The following ZCCHC8 variants were observed in gnomAD, a reference collection of about 807,000 sequenced individuals.
The protein encoded by ZCCHC8 is zinc finger CCHC-type containing 8.
ZCCHC8 carries 27 observed loss-of-function variants against 70.6 expected under a neutral mutation model. That is an observed-to-expected ratio of 0.38 (90% CI 0.28 to 0.53). The LOEUF (loss-of-function observed/expected upper bound fraction) is 0.53, where lower values mean the gene tolerates loss of function less well. Ranked by LOEUF, ZCCHC8 falls within the 20% of genes least tolerant of loss-of-function variation. The probability of loss-of-function intolerance (pLI) is 0.81; values close to 1 mark genes in which losing one functional copy is unlikely to be tolerated. For synonymous variants in ZCCHC8, 293 were observed against 317.4 expected, an observed-to-expected ratio of 0.92 and a Z score of 0.82; for missense variants, 737 against 876.9, an observed-to-expected ratio of 0.84 and a Z score of 2.01.
At chr12:122,484,953 C>T (rs942637343) in intron 5 of ZCCHC8, among the ~76,000 whole-genome samples, 3 of 152,178 alleles carry the variant, frequency 2.0e-5, no homozygotes, top group Admixed American at 6.5e-5. Flanking sequence ...GACTGAGCCT[C>T]GCTCTTCTGT....
In ZCCHC8 at chr12:122,481,984, ACTT is replaced by A. The variant is rs552902860; in HGVS notation, c.833_835del (p.Glu278del). On this transcript the variant is annotated inframe_deletion, in exon 9 of 14. Coordinates refer to ENST00000633063, the MANE Select transcript of ZCCHC8 (RefSeq NM_017612.5). ...CTTGAATCTTCCAAATCTTTCTTCT[ACTT>A]CTTCTGCGTGGTATCGCTGCTGGAA... The A allele has an allele frequency of 8.2e-4, 1,325 of 1,613,398 alleles. 3 individuals are homozygous for A. Among genetic ancestry groups the A allele is most frequent in the Admixed American group, 2.7e-3 (162 of 59,956 alleles).
At position 122,477,836 on chromosome 12, in the gene ZCCHC8, C is replaced by T. The variant is rs116783031; in HGVS notation, c.1345+5G>A. 1.7e-3 allele frequency: 2,739 copies of T among 1,582,452 alleles called. 43 individuals carry two copies. The African/African-American group carries it at 0.033, about 19-fold the overall frequency. ...GAGAAATCAGAGCCATAGGATGAAA[C>T]CTACCTGAATCGAGCTCCATGTCGG... is the stretch of plus-strand genomic sequence containing the variant. On this transcript the variant is annotated splice_donor_5th_base_variant and intron_variant, in intron 13 of 13. Coordinates refer to ENST00000633063, the MANE Select transcript of ZCCHC8 (RefSeq NM_017612.5).
chr12:122,499,269 CTTTTTT>C lies in ZCCHC8; in HGVS notation c.200-406_200-401del, dbSNP rs570830096. On this transcript the variant is annotated intron_variant, in intron 1 of 13. Transcript: ENST00000633063. The stretch of plus-strand genomic sequence containing the variant: ...GATGTCCACTGTAGAATCCTTTCAA[CTTTTTT>C]TTTTTTTTTTTGAGACACAGTCTCA... The C allele has an allele frequency of 9.4e-5, 15 of 159,602 alleles. No individual in the cohort carries two copies. The East Asian group carries it at 2.8e-3, about 30-fold the overall frequency. 9.9% of individuals were successfully genotyped at this position (159,602 alleles called of 1,614,324 possible). A position where few individuals can be genotyped will look rare whatever the true frequency, so the allele number is the denominator to read the frequency against.
At chr12:122,477,773 AGAGT>A in intron 13 of ZCCHC8, 64 bp downstream of exon 13, 1 of 1,183,782 alleles carries the variant, frequency 8.4e-7, no homozygotes, top group Admixed American at 1.9e-5. Context: ...CTGGGTGACA[AGAGT>A]GAGACTCCAT....
intron 13 of ZCCHC8, among the ~76,000 whole-genome samples, chr12:122,477,160 C>CT (rs569339886): frequency 1.3e-3 from 185 of 143,274 alleles, no homozygotes; most frequent in South Asian, 4.2e-3. Context: ...AATTCATGAT[C>CT]TTTTTTTTTT....
chr12:122,479,413 A>C (rs994817998), intron 11 of ZCCHC8, among the ~76,000 whole-genome samples: 1 of 152,190 alleles, frequency 6.6e-6, no homozygotes, highest in African/African-American at 2.4e-5. Context: ...ACAATAGTTC[A>C]TTGTTGAATC....
intron 9 of ZCCHC8, 29 bp from the exon 10 acceptor site, chr12:122,481,693 T>C: frequency 6.2e-7 from 1 of 1,603,624 alleles, no homozygotes; most frequent in Admixed American, 1.7e-5. Flanking sequence ...GGAAGAAAAA[T>C]ACTGAATTCT....
intron 2 of ZCCHC8, among the ~76,000 whole-genome samples, chr12:122,498,127 A>C (rs1190775540): frequency 6.6e-6 from 1 of 151,974 alleles, no homozygotes; most frequent in East Asian, 1.9e-4. Flanking sequence ...TAACTATGTA[A>C]ATAAATCTTC....
intron 4 of ZCCHC8, 119 bp downstream of exon 4, chr12:122,490,343 G>C: frequency 2.6e-6 from 2 of 783,654 alleles, no homozygotes; most frequent in Non-Finnish European, 4.2e-6. Flanking sequence ...GCCAGTAGAA[G>C]GAGAAGTGGT....
intron 1 of ZCCHC8, chr12:122,499,686 T>C (rs770989979): frequency 3.3e-5 from 5 of 152,096 alleles, no homozygotes; most frequent in Non-Finnish European, 7.3e-5. Flanking sequence ...CCTTAAAAAC[T>C]GATATACTGA....
rs7314638 is a variant in ZCCHC8 at position 122,498,913 on chromosome 12, A to G, written c.200-44T>C. On this transcript the variant is annotated intron_variant, in intron 1 of 13. Transcript: ENST00000633063. ...AGATAAGCCCTCATTTAACAATGCA[A>G]ATCATAAAATTCAACTACTACTTCT... The G allele has an allele frequency of 0.76, 1,178,940 of 1,549,666 alleles. 450,560 individuals are homozygous for G. The highest frequency in any genetic ancestry group is 0.88 in the African/African-American group (65,121 of 73,662).
chr12:122,500,914 C>A lies in ZCCHC8; in HGVS notation c.-74G>T. 2.0e-6 allele frequency: 3 copies of A among 1,485,046 alleles called. No homozygotes were observed. The highest frequency in any genetic ancestry group is 2.7e-6 in the Non-Finnish European group (3 of 1,095,770). 92.0% of individuals were successfully genotyped at this position (1,485,046 alleles called of 1,614,324 possible). A position where few individuals can be genotyped will look rare whatever the true frequency, so the allele number is the denominator to read the frequency against. ...CTTGGGGAAGAAGGTTGGAAGGCGG[C>A]ACCACTCTCTAGAGCTCTGGCCGCA... On this transcript the variant is annotated 5_prime_UTR_variant, in exon 1 of 14. Transcript: ENST00000633063. This position sits in a 1 kb window ranked among gnomAD's most constrained non-coding sequence, Gnocchi z 4.8.
Position 122,483,034 on chromosome 12 carries a change from T to C in ZCCHC8, c.671+245A>G. The C allele has an allele frequency of 3.7e-6, 2 of 535,244 alleles. No individual in the cohort carries two copies. The highest frequency in any genetic ancestry group is 6.5e-6 in the Non-Finnish European group (2 of 305,344). 33.2% of individuals were successfully genotyped at this position (535,244 alleles called of 1,614,324 possible). On this transcript the variant is annotated intron_variant, in intron 7 of 13. Coordinates refer to ENST00000633063, the MANE Select transcript of ZCCHC8 (RefSeq NM_017612.5). The surrounding 1 kb of genome is among the most constrained non-coding windows in gnomAD (Gnocchi z 4.4). ...AAGGCAGATGGTTATAAGACTGCAA[T>C]CAAATTGACAGCAACAATTATACCT... is the stretch of plus-strand genomic sequence containing the variant.
At chr12:122,479,537 T>A (rs987707915) in intron 11 of ZCCHC8, among the ~76,000 whole-genome samples, 2 of 152,002 alleles carry the variant, frequency 1.3e-5, no homozygotes, top group Admixed American at 1.3e-4. Flanking sequence ...GGAAAAAGAG[T>A]GATAATATAT....
Position 122,500,606 on chromosome 12 carries a change from A to ACC in ZCCHC8, c.199+34_199+35dup. The ACC allele has an allele frequency of 6.6e-7, 1 of 1,506,360 alleles. No individual in the cohort carries two copies. Among genetic ancestry groups the ACC allele is most frequent in the Non-Finnish European group, 8.9e-7 (1 of 1,118,288 alleles). 93.3% of individuals were successfully genotyped at this position (1,506,360 alleles called of 1,614,324 possible). A position where few individuals can be genotyped will look rare whatever the true frequency, so the allele number is the denominator to read the frequency against. On this transcript the variant is annotated intron_variant, in intron 1 of 13. Transcript: ENST00000633063. This position sits in a 1 kb window ranked among gnomAD's most constrained non-coding sequence, Gnocchi z 4.8. ...ACGCCTGGCGCTGCCCCGGCCCCAC[A>ACC]CCCGGGTGACAGGGCCCAGCGAGAG... is the stretch of plus-strand genomic sequence containing the variant.
chr12:122,478,918 T>G (rs534540105), intron 11 of ZCCHC8, among the ~76,000 whole-genome samples: 91 of 152,282 alleles, frequency 6.0e-4, no homozygotes, highest in Admixed American at 2.0e-4. Context: ...TGGACTGGCT[T>G]CCAGAAGCAC....
At position 122,474,284 on chromosome 12, in the gene ZCCHC8, A is replaced by G. The variant is rs1957374308; in HGVS notation, c.1346-9T>C. The G allele has an allele frequency of 7.2e-7, 1 of 1,383,572 alleles. No homozygotes were observed. The highest frequency in any genetic ancestry group is 9.4e-7 in the Non-Finnish European group (1 of 1,062,820). The allele number at this position is 1,383,572 out of a possible 1,614,324, so 85.7% of individuals were successfully genotyped here. On this transcript the variant is annotated splice_polypyrimidine_tract_variant and intron_variant, in intron 13 of 13. Transcript: ENST00000633063. ...ATGTGGTACCTCCATATCTGAAGTA[A>G]GAAAGTTAAGAGATACTTTAGAACT...
Position 122,473,910 on chromosome 12 carries a change from T to C in ZCCHC8, c.1711A>G (p.Lys571Glu). 1 of 1,613,928 alleles carries C rather than the reference T, an allele frequency of 6.2e-7. No homozygotes were observed. Among genetic ancestry groups the C allele is most frequent in the South Asian group, 1.1e-5 (1 of 91,080 alleles). ...TCCAGCGTCTGCTTTTCAGATGTTT[T>C]TCCCTCCGGGACAGGGAGGTCTAGC... The part of the protein sequence containing the change: ...NELDLPVPEG[K>E]TSEKQTLDEP... Residue 571 changes from lysine (K) to glutamate (E), a missense_variant, in exon 14 of 14, where the codon AAA becomes GAA. Physicochemically the swap from Lys to Glu is moderately conservative, Grantham distance 56. Coordinates refer to ENST00000633063, the MANE Select transcript of ZCCHC8 (RefSeq NM_017612.5).
intron 1 of ZCCHC8, chr12:122,499,180 A>T: frequency 2.5e-6 from 1 of 403,598 alleles, no homozygotes; most frequent in Non-Finnish European, 4.5e-6. Flanking sequence ...AACAACCACT[A>T]TGTGATAAAG....
Sources: gnomAD v4.1 joint callset for allele counts (sites outside exome capture counted in the v4.1 genomes callset) on GRCh38, gnomAD v4.1.1 for gene constraint, Gnocchi (gnomAD v3.1) non-coding constraint, MANE v1.5 for transcripts, NCBI Gene and HGNC (gene_info 2026-07-23, HGNC 2026-07-21) for gene names.